Variants in LHCGR observed in about 807,000 individuals in gnomAD.
The protein encoded by LHCGR is luteinizing hormone/choriogonadotropin receptor.
Under a neutral mutation model 60.7 loss-of-function variants are expected in LHCGR, and 55 were observed. That is an observed-to-expected ratio of 0.91 (90% CI 0.73 to 1.13). The LOEUF (loss-of-function observed/expected upper bound fraction) is 1.13, where lower values mean the gene tolerates loss of function less well. Among genes scored for constraint, LHCGR ranks in the 50% most tolerant of loss-of-function variants. The pLI is 0.00. For missense variants in LHCGR, 862 were observed against 836.0 expected (o/e 1.03, Z -0.38); for synonymous variants, 337 against 316.5 (o/e 1.06, Z -0.69).
chr2:48,698,489 C>T (rs1263480225), intron 9 of LHCGR, 126 bp downstream of exon 9: 6 of 743,320 alleles, frequency 8.1e-6, no homozygotes, highest in African/African-American at 1.7e-5. Flanking sequence ...AAAGTGACCC[C>T]ATGTCTACGG....
At chr2:48,721,125 C>T (rs1377717406) in intron 6 of LHCGR, 1 of 152,376 alleles carries the variant, frequency 6.6e-6, no homozygotes, top group Non-Finnish European at 1.5e-5. Context: ...ATGTTTTCCC[C>T]CTCATTGAGA....
At chr2:48,738,048 A>G (rs1465461524) in intron 1 of LHCGR, among the ~76,000 whole-genome samples, 1 of 152,194 alleles carries the variant, frequency 6.6e-6, no homozygotes, top group Non-Finnish European at 1.5e-5. Context: ...ACACTCTACT[A>G]CATGATCCTC....
At chr2:48,689,947 C>G (rs1680135747) in intron 10 of LHCGR, among the ~76,000 whole-genome samples, 1 of 152,148 alleles carries the variant, frequency 6.6e-6, no homozygotes, top group Admixed American at 6.5e-5. Context: ...ATCTCCTGAC[C>G]TCGTGATCTG....
chr2:48,751,047 T>C (rs1572899472), intron 1 of LHCGR, among the ~76,000 whole-genome samples: 1 of 152,174 alleles, frequency 6.6e-6, no homozygotes. Flanking sequence ...TGGTGAGATA[T>C]GTACAAAAAT....
At position 48,736,170 on chromosome 2, in the gene LHCGR, T is replaced by G. The variant is rs375979117; in HGVS notation, c.162-4872A>C. Among the ~76,000 whole-genome samples, 3 of 152,196 alleles carry G rather than the reference T, an allele frequency of 2.0e-5. No homozygotes were observed. The East Asian group carries it at 5.8e-4, about 29-fold the overall frequency. On this transcript the variant is annotated intron_variant, in intron 1 of 10. Transcript: ENST00000294954. ...AAATTACCCAGTCTTGGGTATTTCT[T>G]TATAGCAGTGTGAGAATGGACCAAT... is the stretch of plus-strand genomic sequence containing the variant.
At chr2:48,747,906 T>G (rs556560310) in intron 1 of LHCGR, among the ~76,000 whole-genome samples, 14 of 152,324 alleles carry the variant, frequency 9.2e-5, no homozygotes, top group African/African-American at 3.4e-4. Flanking sequence ...GGGCATATGT[T>G]GTTGCTCAGT....
At chr2:48,741,129 G>T (rs1286425808) in intron 1 of LHCGR, among the ~76,000 whole-genome samples, 2 of 151,960 alleles carry the variant, frequency 1.3e-5, no homozygotes, top group Non-Finnish European at 2.9e-5. Context: ...AGTGAGAAGG[G>T]AAGTTTAGAG....
At chr2:48,703,098 C>T (rs529195932) in intron 8 of LHCGR, among the ~76,000 whole-genome samples, 12 of 152,226 alleles carry the variant, frequency 7.9e-5, no homozygotes, top group Admixed American at 2.6e-4. Context: ...TCATATCCTT[C>T]GCCCATTTTT....
intron 9 of LHCGR, among the ~76,000 whole-genome samples, chr2:48,695,861 A>G (rs889799918): frequency 3.3e-5 from 5 of 152,222 alleles, no homozygotes; most frequent in African/African-American, 7.2e-5. Flanking sequence ...AACTGGGAAC[A>G]TATGAACAGG....
intron 8 of LHCGR, among the ~76,000 whole-genome samples, chr2:48,705,804 G>A (rs1056690829): frequency 6.6e-6 from 1 of 151,946 alleles, no homozygotes; most frequent in Non-Finnish European, 1.5e-5. Flanking sequence ...TGTGAGATGG[G>A]TCTCCTGAAT....
At chr2:48,731,122 C>G (rs1403633518) in intron 2 of LHCGR, 105 bp downstream of exon 2, 8 of 753,418 alleles carry the variant, frequency 1.1e-5, no homozygotes, top group Admixed American at 2.0e-5. Flanking sequence ...ATCCTAAACA[C>G]AATTTCTTTC....
intron 1 of LHCGR, among the ~76,000 whole-genome samples, chr2:48,749,352 A>T (rs1669852108): frequency 6.6e-6 from 1 of 152,186 alleles, no homozygotes. Context: ...CATAAGAAAA[A>T]AAGCTGGGTG....
chr2:48,697,055 G>A (rs1378979304), intron 9 of LHCGR, among the ~76,000 whole-genome samples: 1 of 152,052 alleles, frequency 6.6e-6, no homozygotes, highest in Non-Finnish European at 1.5e-5. Context: ...AAACAACCGG[G>A]CCTGGCACTC....
At chr2:48,728,159 T>C (rs914910517) in intron 3 of LHCGR, among the ~76,000 whole-genome samples, 2 of 152,088 alleles carry the variant, frequency 1.3e-5, no homozygotes, top group African/African-American at 4.8e-5. Context: ...AAGACAATTC[T>C]TTTTCCAGTG....
At chr2:48,705,696 G>C (rs1471525572) in intron 8 of LHCGR, among the ~76,000 whole-genome samples, 1 of 151,646 alleles carries the variant, frequency 6.6e-6, no homozygotes, top group Non-Finnish European at 1.5e-5. Context: ...TATTTTATCA[G>C]AGACTAGGAT....
chr2:48,720,276 T>C (rs1217315347), intron 6 of LHCGR: 2 of 152,218 alleles, frequency 1.3e-5, no homozygotes, highest in African/African-American at 4.8e-5. Flanking sequence ...AGCTCATAGT[T>C]ACCTATGGAT....
At chr2:48,747,140 A>G (rs1213121706) in intron 1 of LHCGR, among the ~76,000 whole-genome samples, 1 of 150,394 alleles carries the variant, frequency 6.6e-6, no homozygotes, top group Non-Finnish European at 1.5e-5. Flanking sequence ...CAGAGGCTGG[A>G]GGGCAGTGGT....
At chr2:48,753,891 G>C (rs1382788104) in intron 1 of LHCGR, among the ~76,000 whole-genome samples, 1 of 152,002 alleles carries the variant, frequency 6.6e-6, no homozygotes, top group Non-Finnish European at 1.5e-5. Flanking sequence ...ATAATTAATA[G>C]ATAAAATCCT....
intron 1 of LHCGR, among the ~76,000 whole-genome samples, chr2:48,753,644 C>A (rs1156800265): frequency 1.3e-5 from 2 of 152,146 alleles, no homozygotes; most frequent in Non-Finnish European, 2.9e-5. Flanking sequence ...TTACTTCAGC[C>A]TTTTCCAGGG....
Sources: gnomAD v4.1 joint callset for allele counts (sites outside exome capture counted in the v4.1 genomes callset) on GRCh38, gnomAD v4.1.1 for gene constraint, MANE v1.5 for transcripts, NCBI Gene and HGNC (gene_info 2026-07-23, HGNC 2026-07-21) for gene names.